The following PHF12 variants were observed in gnomAD, a reference collection of about 807,000 sequenced individuals.
The protein encoded by PHF12 is PHD factor 1.
In PHF12, 6 loss-of-function variants were observed where a neutral mutation model predicts 99.8. The ratio of observed to expected loss-of-function variants is 0.06; its 90% CI spans 0.03 to 0.12. The LOEUF is 0.12. PHF12 is among the 10% of genes least tolerant of loss of function. The pLI is 1.00. For synonymous variants in PHF12, 480 were observed against 514.9 expected (o/e 0.93, Z 0.92); for missense variants, 954 against 1,300.1 (o/e 0.73, Z 4.09).
At chr17:28,928,518 C>T (rs1055405017) in intron 2 of PHF12, among the ~76,000 whole-genome samples, 4 of 152,114 alleles carry the variant, frequency 2.6e-5, no homozygotes, top group Non-Finnish European at 5.9e-5. Flanking sequence ...GATCTCTTCC[C>T]TCCTTGTATT....
At position 28,949,121 on chromosome 17, in the gene PHF12, T is replaced by G. The variant is rs2040764619; in HGVS notation, c.248+944A>C. On this transcript the variant is annotated intron_variant, in intron 2 of 14. Coordinates refer to ENST00000332830, the MANE Select transcript of PHF12 (RefSeq NM_001033561.2). This position sits in a 1 kb window ranked among gnomAD's most constrained non-coding sequence, Gnocchi z 4.6. ...CAGTAAGGGGGAAAAAGCGTACGGC[T>G]TTCCAGCTCTCAGCTCCTTAAAAAT... is the stretch of plus-strand genomic sequence containing the variant. 6.6e-6 allele frequency among the ~76,000 whole-genome samples: 1 copy of G among 152,170 alleles called. No individual in the cohort carries two copies. The highest frequency in any genetic ancestry group is 1.5e-5 in the Non-Finnish European group (1 of 68,018).
chr17:28,941,617 C>CT lies in PHF12; in HGVS notation c.248+8447dup, dbSNP rs1328246824. Among the ~76,000 whole-genome samples, 23 of 148,746 alleles carry CT rather than the reference C, an allele frequency of 1.5e-4. No homozygotes were observed. In the East Asian group the frequency reaches 2.6e-3, roughly 17 times the overall value. ...CCAATAAAACTGAGACAATTAAAAT[C>CT]TTTTTTTTTTGAGATGGAGTTTCAC... On this transcript the variant is annotated intron_variant, in intron 2 of 14. Transcript: ENST00000332830.
intron 2 of PHF12, 50 bp from the exon 3 acceptor site, chr17:28,927,113 G>A (rs1456367781): frequency 6.5e-7 from 1 of 1,533,740 alleles, no homozygotes; most frequent in Admixed American, 1.7e-5. Context: ...CTTTGAGGCA[G>A]TAGGAAAAGC....
intron 9 of PHF12, chr17:28,912,016 A>G (rs1184195238): frequency 1.1e-6 from 1 of 879,520 alleles, no homozygotes; most frequent in Non-Finnish European, 1.4e-6. Context: ...CTGACATGGA[A>G]GTTCATCAGA....
At chr17:28,947,114 G>T (rs1396831633) in intron 2 of PHF12, among the ~76,000 whole-genome samples, 1 of 151,826 alleles carries the variant, frequency 6.6e-6, no homozygotes, top group Non-Finnish European at 1.5e-5. Context: ...CTCCTGAGTA[G>T]CTGGAACTAC....
At chr17:28,936,787 A>C (rs1263602208) in intron 2 of PHF12, among the ~76,000 whole-genome samples, 1 of 152,200 alleles carries the variant, frequency 6.6e-6, no homozygotes, top group South Asian at 2.1e-4. Flanking sequence ...TTCACAGTTC[A>C]CGGGGCTCAT....
Position 28,950,338 on chromosome 17 carries a change from C to A in PHF12, c.67-92G>T. The A allele has an allele frequency of 7.4e-7, 1 of 1,358,818 alleles. No homozygotes were observed. 84.2% of individuals were successfully genotyped at this position (1,358,818 alleles called of 1,614,324 possible). The stretch of plus-strand genomic sequence containing the variant: ...CGCGGTTTCTCCGTCACCCACCCCT[C>A]TCCCCCCTTTTGTCCTTCTTCCTCC... On this transcript the variant is annotated intron_variant, in intron 1 of 14. Coordinates refer to ENST00000332830, the MANE Select transcript of PHF12 (RefSeq NM_001033561.2). The surrounding 1 kb of genome is among the most constrained non-coding windows in gnomAD (Gnocchi z 5.7).
At position 28,906,295 on chromosome 17, in the gene PHF12, G is replaced by A. The variant is rs757823450; in HGVS notation, c.2903C>T (p.Ala968Val). ...GGCATCGCCTTTGGGCTGTTTGGTCGCAAACTCAGTGATGCTGAAGACAAA... is the reference window on the plus strand; with the variant it reads ...GGCATCGCCTTTGGGCTGTTTGGTCACAAACTCAGTGATGCTGAAGACAAA... ...LQFVFSITEF[A>V]TKQPKGDASL... is the part of the protein sequence containing the mutation. Residue 968 changes from alanine (A) to valine (V), a missense_variant, in exon 15 of 15, where the codon GCG becomes GTG. Around this residue, in one of 8 missense-constraint regions of PHF12, gnomAD observed 136 missense variants for 172.3 expected, o/e 0.79. Transcript: ENST00000332830. The surrounding 1 kb of genome is among the most constrained non-coding windows in gnomAD (Gnocchi z 4.2). The A allele has an allele frequency of 5.0e-6, 8 of 1,614,066 alleles. No homozygotes were observed. Among genetic ancestry groups the A allele is most frequent in the African/African-American group, 2.7e-5 (2 of 74,950 alleles).
At chr17:28,932,859 T>C (rs1235089115) in intron 2 of PHF12, among the ~76,000 whole-genome samples, 2 of 152,156 alleles carry the variant, frequency 1.3e-5, no homozygotes, top group African/African-American at 2.4e-5. Context: ...GGCAAGAGAA[T>C]TGCTTGAACC....
At chr17:28,920,974 T>C (rs1386489332) in intron 5 of PHF12, among the ~76,000 whole-genome samples, 1 of 149,970 alleles carries the variant, frequency 6.7e-6, no homozygotes, top group Non-Finnish European at 1.5e-5. Context: ...CCCAGGTTCA[T>C]GCCATTCTCC....
At chr17:28,934,849 C>T (rs1173352661) in intron 2 of PHF12, among the ~76,000 whole-genome samples, 1 of 152,216 alleles carries the variant, frequency 6.6e-6, no homozygotes, top group Non-Finnish European at 1.5e-5. Flanking sequence ...GATCTACCCG[C>T]CTATGCCTTC....
chr17:28,911,082 C>A, intron 10 of PHF12, 30 bp downstream of exon 10: 1 of 1,613,514 alleles, frequency 6.2e-7, no homozygotes, highest in South Asian at 1.1e-5. Flanking sequence ...ACATAGCAAA[C>A]GGTGGAACAG....
intron 2 of PHF12, chr17:28,944,389 ACCT>A (rs2040683019): frequency 4.2e-6 from 3 of 706,650 alleles, no homozygotes; most frequent in Non-Finnish European, 5.2e-6. Flanking sequence ...CAAGAGTATA[ACCT>A]CCTTTTCCAC....
chr17:28,944,653 GAAA>G (rs539349085), intron 2 of PHF12: 1 of 273,304 alleles, frequency 3.7e-6, no homozygotes, highest in African/African-American at 2.3e-5. Flanking sequence ...TCTCAAAAAA[GAAA>G]AAAAACAAAG....
In PHF12 at chr17:28,945,111, A is replaced by T. The variant is rs1235197252; in HGVS notation, c.248+4954T>A. On this transcript the variant is annotated intron_variant, in intron 2 of 14. Transcript: ENST00000332830. ...CTATTTCTACAAAAACATTTAAAAA[A>T]TTAGCCCAGCATGGTGGAATGTTCC... The T allele has an allele frequency of 2.0e-5, 3 of 152,208 alleles. No homozygotes were observed. The East Asian group carries it at 5.8e-4, about 29-fold the overall frequency. 9.4% of individuals were successfully genotyped at this position (152,208 alleles called of 1,614,324 possible).
At position 28,910,246 on chromosome 17, in the gene PHF12, G is replaced by T; in HGVS notation, c.2339C>A (p.Ser780Tyr). 2 of 1,614,234 alleles carry T rather than the reference G, an allele frequency of 1.2e-6. No individual in the cohort carries two copies. The highest frequency in any genetic ancestry group is 1.7e-6 in the Non-Finnish European group (2 of 1,180,036). ...PGSVGTHQLASGGHHIEVQRK... is the reference protein window; with the variant it reads ...PGSVGTHQLAYGGHHIEVQRK... ...CGCACCTTCTATGTGGTGCCCTCCA[G>T]AAGCCAGCTGATGTGTCCCGACACT... The change falls in exon 11 of 15, where the codon TCT (serine) becomes TAT (tyrosine). Residue 780 changes from serine to tyrosine, a missense_variant. Physicochemically the swap from Ser to Tyr is moderately radical, Grantham distance 144. This residue lies in a region of PHF12 where 143 missense variants were observed against 191.8 expected (regional missense o/e 0.75). Transcript: ENST00000332830.
intron 10 of PHF12, 53 bp from the exon 11 acceptor site, chr17:28,910,422 G>C: frequency 6.4e-7 from 1 of 1,560,274 alleles, no homozygotes; most frequent in South Asian, 1.2e-5. Context: ...AGTGGAATGT[G>C]GAAGCAAATC....
At chr17:28,910,116 C>A (rs181161378) in intron 11 of PHF12, 110 bp downstream of exon 11, 1 of 1,496,080 alleles carries the variant, frequency 6.7e-7, no homozygotes. Flanking sequence ...GAAAAGCACA[C>A]AAGGAGGTTT....
intron 9 of PHF12, 196 bp downstream of exon 9, chr17:28,912,286 G>A: frequency 7.3e-7 from 1 of 1,376,638 alleles, no homozygotes; most frequent in Non-Finnish European, 9.3e-7. Context: ...AGCTTTCAGA[G>A]CCTAAGCAGT....
Sources: allele counts gnomAD v4.1 joint callset (sites outside exome capture counted in the v4.1 genomes callset), GRCh38; gene constraint gnomAD v4.1.1; regional missense constraint gnomAD v4.1.1; non-coding constraint Gnocchi (gnomAD v3.1); transcripts MANE v1.5; gene names NCBI Gene and HGNC (gene_info 2026-07-23, HGNC 2026-07-21).